Variants in PLCB1 observed in about 807,000 individuals in gnomAD.
PLCB1 encodes phospholipase C beta 1, also known as 1-phosphatidylinositol 4,5-bisphosphate phosphodiesterase beta-1.
PLCB1 carries 46 observed loss-of-function variants against 161.8 expected under a neutral mutation model. The ratio of observed to expected loss-of-function variants is 0.28; its 90% CI spans 0.22 to 0.36. The LOEUF (loss-of-function observed/expected upper bound fraction) is 0.36. PLCB1 is among the 10% of genes least tolerant of loss of function. The probability of loss-of-function intolerance (pLI) is 1.00; values close to 1 mark genes in which losing one functional copy is unlikely to be tolerated. For synonymous variants in PLCB1, 517 were observed against 503.7 expected (o/e 1.03, Z -0.35); for missense variants, 1,016 against 1,472.5 (o/e 0.69, Z 5.07).
intron 2 of PLCB1, among the ~76,000 whole-genome samples, chr20:8,254,833 A>G (rs1409457254): frequency 6.6e-6 from 1 of 152,050 alleles, no homozygotes; most frequent in African/African-American, 2.4e-5. Context: ...GGTTCACTTT[A>G]TCTTGAATAA....
At chr20:8,581,679 A>G (rs1348678872) in intron 3 of PLCB1, among the ~76,000 whole-genome samples, 1 of 152,126 alleles carries the variant, frequency 6.6e-6, no homozygotes, top group African/African-American at 2.4e-5. Flanking sequence ...GGATGCATGA[A>G]GGACTGTCAA....
intron 2 of PLCB1, among the ~76,000 whole-genome samples, chr20:8,176,282 G>T (rs1210866229): frequency 6.6e-6 from 1 of 152,146 alleles, no homozygotes; most frequent in Non-Finnish European, 1.5e-5. Flanking sequence ...AAGATGGCAT[G>T]TCCATACTGT....
At chr20:8,752,242 T>C (rs1338941962) in intron 23 of PLCB1, 5 of 152,238 alleles carry the variant, frequency 3.3e-5, no homozygotes, top group Admixed American at 6.5e-5. Context: ...AAAAATTTAG[T>C]CTTTAGCATA....
chr20:8,201,617 C>T (rs1294344493), intron 2 of PLCB1, among the ~76,000 whole-genome samples: 1 of 152,048 alleles, frequency 6.6e-6, no homozygotes, highest in Non-Finnish European at 1.5e-5. Context: ...AAATTTAATT[C>T]CAGAAGCTTT....
At chr20:8,201,486 C>G (rs962989386) in intron 2 of PLCB1, among the ~76,000 whole-genome samples, 1 of 151,962 alleles carries the variant, frequency 6.6e-6, no homozygotes, top group Non-Finnish European at 1.5e-5. Context: ...GCTGGGGTGC[C>G]CAAGAGAACT....
chr20:8,278,947 A>G (rs1982732123), intron 2 of PLCB1, among the ~76,000 whole-genome samples: 1 of 150,694 alleles, frequency 6.6e-6, no homozygotes, highest in Non-Finnish European at 1.5e-5. Context: ...ATCCACCAGC[A>G]GCAAAATAAA....
intron 3 of PLCB1, among the ~76,000 whole-genome samples, chr20:8,488,111 T>C (rs965671657): frequency 6.6e-6 from 1 of 152,206 alleles, no homozygotes; most frequent in Non-Finnish European, 1.5e-5. Context: ...GTTCAATACA[T>C]TTTGATATGT....
chr20:8,798,773 C>T (rs1600336916), intron 31 of PLCB1, among the ~76,000 whole-genome samples: 1 of 152,162 alleles, frequency 6.6e-6, no homozygotes, highest in Non-Finnish European at 1.5e-5. Flanking sequence ...AGAAGAATCT[C>T]CATGGAACCC....
At chr20:8,343,087 T>C (rs2122229261) in intron 2 of PLCB1, among the ~76,000 whole-genome samples, 1 of 152,312 alleles carries the variant, frequency 6.6e-6, no homozygotes, top group Non-Finnish European at 1.5e-5. Context: ...GACTCTCCCT[T>C]TTAGGATATT....
chr20:8,431,517 T>C (rs1980041404), intron 3 of PLCB1, among the ~76,000 whole-genome samples: 1 of 152,186 alleles, frequency 6.6e-6, no homozygotes, highest in East Asian at 1.9e-4. Flanking sequence ...CTATTCCCAA[T>C]AAGGTTTGCC....
At chr20:8,296,571 G>A (rs557559932) in intron 2 of PLCB1, among the ~76,000 whole-genome samples, 1 of 152,254 alleles carries the variant, frequency 6.6e-6, no homozygotes, top group East Asian at 1.9e-4. Flanking sequence ...GAGGTTAGGA[G>A]GAAAGGTGAT....
intron 3 of PLCB1, among the ~76,000 whole-genome samples, chr20:8,428,645 A>G (rs903774150): frequency 6.6e-6 from 1 of 152,188 alleles, no homozygotes; most frequent in Admixed American, 6.5e-5. Flanking sequence ...CAAGAGAACG[A>G]CGATTTCACT....
intron 2 of PLCB1, among the ~76,000 whole-genome samples, chr20:8,214,528 A>G (rs1339273283): frequency 6.6e-6 from 1 of 152,140 alleles, no homozygotes; most frequent in Non-Finnish European, 1.5e-5. Flanking sequence ...TGCAGAGCCA[A>G]TTAAACATTT....
chr20:8,499,933 G>A (rs1983334627), intron 3 of PLCB1, among the ~76,000 whole-genome samples: 1 of 152,140 alleles, frequency 6.6e-6, no homozygotes, highest in African/African-American at 2.4e-5. Context: ...TTAAACATTA[G>A]ATGGACAAGT....
intron 31 of PLCB1, among the ~76,000 whole-genome samples, chr20:8,866,608 G>T (rs1302042435): frequency 2.0e-5 from 3 of 150,346 alleles, no homozygotes; most frequent in African/African-American, 7.3e-5. Context: ...CTAGTTAGTA[G>T]AACTAGTTAG....
chr20:8,556,983 A>AAAATAAAT (rs60833598), intron 3 of PLCB1, among the ~76,000 whole-genome samples: 283 of 143,308 alleles, frequency 2.0e-3, no homozygotes, highest in East Asian at 0.017. Context: ...ATAAATAAAT[A>AAAATAAAT]AAATAAATAA....
intron 2 of PLCB1, among the ~76,000 whole-genome samples, chr20:8,241,774 C>T (rs1329278732): frequency 6.6e-6 from 1 of 151,974 alleles, no homozygotes; most frequent in Non-Finnish European, 1.5e-5. Context: ...CCTCCCACCT[C>T]AGTAGAAATC....
chr20:8,461,100 T>C (rs1000746359), intron 3 of PLCB1, among the ~76,000 whole-genome samples: 11 of 152,216 alleles, frequency 7.2e-5, no homozygotes, highest in African/African-American at 2.7e-4. Flanking sequence ...ATACCTACCT[T>C]ATTTGACTAT....
At chr20:8,432,478 T>C (rs1980092787) in intron 3 of PLCB1, among the ~76,000 whole-genome samples, 2 of 152,208 alleles carry the variant, frequency 1.3e-5, no homozygotes, top group South Asian at 4.1e-4. Context: ...TTATTTAACC[T>C]TAATTACTTC....
Sources: allele counts gnomAD v4.1 joint callset (sites outside exome capture counted in the v4.1 genomes callset), GRCh38; gene constraint gnomAD v4.1.1; transcripts MANE v1.5; gene names NCBI Gene and HGNC (gene_info 2026-07-23, HGNC 2026-07-21).